The following RAP1GDS1 variants were observed in gnomAD, a reference collection of about 807,000 sequenced individuals.
RAP1GDS1 encodes Rap1 GTPase-GDP dissociation stimulator 1, also known as RAP1, GTP-GDP dissociation stimulator 1.
In RAP1GDS1, 35 loss-of-function variants were observed where a neutral mutation model predicts 71.1. That is an observed-to-expected ratio of 0.49 (90% CI 0.38 to 0.65). The LOEUF (loss-of-function observed/expected upper bound fraction) is 0.65, where lower values mean the gene tolerates loss of function less well. Among genes scored for constraint, RAP1GDS1 ranks in the 30% least tolerant of loss-of-function variants. The pLI is 0.00. For missense variants in RAP1GDS1, 663 were observed against 706.1 expected (o/e 0.94, Z 0.69); for synonymous variants, 229 against 243.1 (o/e 0.94, Z 0.54).
chr4:98,399,518 T>A (rs149998522), intron 6 of RAP1GDS1, among the ~76,000 whole-genome samples: 1 of 152,146 alleles, frequency 6.6e-6, no homozygotes, highest in African/African-American at 2.4e-5. Context: ...GGTCTTGAAC[T>A]CCTGGGCTCA....
chr4:98,309,539 G>A (rs1455782805), intron 2 of RAP1GDS1, among the ~76,000 whole-genome samples: 5 of 151,920 alleles, frequency 3.3e-5, no homozygotes, highest in Admixed American at 3.3e-4. Context: ...AAAATAGAGA[G>A]TAAAAGATTA....
At chr4:98,398,987 T>A (rs1744959794) in intron 6 of RAP1GDS1, among the ~76,000 whole-genome samples, 1 of 152,132 alleles carries the variant, frequency 6.6e-6, no homozygotes, top group Non-Finnish European at 1.5e-5. Context: ...GTTAAAACGG[T>A]CATACTATTC....
chr4:98,288,883 A>G (rs1414592224), intron 1 of RAP1GDS1, among the ~76,000 whole-genome samples: 1 of 152,224 alleles, frequency 6.6e-6, no homozygotes, highest in Non-Finnish European at 1.5e-5. Flanking sequence ...TAGCCGCAGC[A>G]GCAGTGAAGA....
intron 3 of RAP1GDS1, 115 bp from the exon 4 acceptor site, chr4:98,352,361 C>T (rs1257501456): frequency 1.8e-6 from 2 of 1,089,488 alleles, no homozygotes; most frequent in Non-Finnish European, 2.6e-6. Context: ...GCCACCTTTT[C>T]AAGGTGGCTT....
At chr4:98,389,369 C>T (rs921850588) in intron 5 of RAP1GDS1, among the ~76,000 whole-genome samples, 4 of 151,682 alleles carry the variant, frequency 2.6e-5, no homozygotes, top group East Asian at 1.9e-4. Flanking sequence ...GCCTGCCAGT[C>T]GGTGTGAACA....
intron 10 of RAP1GDS1, 46 bp from the exon 11 acceptor site, chr4:98,419,973 C>T (rs778006487): frequency 1.3e-6 from 2 of 1,495,208 alleles, no homozygotes; most frequent in Admixed American, 4.0e-5. Context: ...TGTTTATCAA[C>T]AGGAATGCTA....
chr4:98,297,434 A>G (rs1275266190), intron 2 of RAP1GDS1, among the ~76,000 whole-genome samples: 2 of 152,198 alleles, frequency 1.3e-5, no homozygotes, highest in Non-Finnish European at 2.9e-5. Context: ...CAAGTCTTTC[A>G]GTGCCATTTT....
chr4:98,335,142 A>G, intron 2 of RAP1GDS1, among the ~76,000 whole-genome samples: 1 of 152,154 alleles, frequency 6.6e-6, no homozygotes, highest in East Asian at 1.9e-4. Flanking sequence ...TGAGAATTCC[A>G]TTCCTTTTCT....
At chr4:98,410,814 G>A (rs1445107927) in intron 7 of RAP1GDS1, among the ~76,000 whole-genome samples, 2 of 152,080 alleles carry the variant, frequency 1.3e-5, no homozygotes, top group Admixed American at 6.5e-5. Flanking sequence ...GTAGTTTTTA[G>A]GAATGATTAT....
At chr4:98,346,562 T>TG (rs1235384072) in intron 3 of RAP1GDS1, among the ~76,000 whole-genome samples, 1 of 151,912 alleles carries the variant, frequency 6.6e-6, no homozygotes, top group Non-Finnish European at 1.5e-5. Flanking sequence ...TTATTTATTT[T>TG]TTTTTTTTTT....
At chr4:98,416,470 C>G (rs1004262343) in intron 7 of RAP1GDS1, among the ~76,000 whole-genome samples, 2 of 150,400 alleles carry the variant, frequency 1.3e-5, no homozygotes, top group Non-Finnish European at 1.5e-5. Flanking sequence ...CCTCAGCCTC[C>G]TGAGTAGCTG....
chr4:98,365,871 G>T (rs1287953186), intron 4 of RAP1GDS1, among the ~76,000 whole-genome samples: 2 of 152,064 alleles, frequency 1.3e-5, no homozygotes, highest in East Asian at 3.9e-4. Context: ...GAAATAAAAC[G>T]GGGATGAAAG....
At chr4:98,285,878 T>TATTAC (rs1214761801) in intron 1 of RAP1GDS1, among the ~76,000 whole-genome samples, 1 of 142,032 alleles carries the variant, frequency 7.0e-6, no homozygotes, top group Non-Finnish European at 1.5e-5. Flanking sequence ...AAATTATAAA[T>TATTAC]AATAAATAAT....
At chr4:98,371,458 C>T (rs1245296205) in intron 4 of RAP1GDS1, among the ~76,000 whole-genome samples, 1 of 151,776 alleles carries the variant, frequency 6.6e-6, no homozygotes, top group African/African-American at 2.4e-5. Flanking sequence ...CCCCTTTATC[C>T]CTGATAATAC....
intron 1 of RAP1GDS1, among the ~76,000 whole-genome samples, chr4:98,270,893 G>A (rs769645090): frequency 1.3e-5 from 2 of 151,986 alleles, no homozygotes; most frequent in Non-Finnish European, 2.9e-5. Flanking sequence ...CACTTCCCAT[G>A]TAATGAACAG....
At chr4:98,423,769 G>C (rs28666485) in intron 12 of RAP1GDS1, among the ~76,000 whole-genome samples, 22,096 of 151,924 alleles carry the variant, frequency 0.15, 2,368 homozygotes, top group African/African-American at 0.3. Flanking sequence ...GTCTCAAACT[G>C]CCGACCTCAG....
At chr4:98,280,745 C>T (rs1269917421) in intron 1 of RAP1GDS1, among the ~76,000 whole-genome samples, 1 of 152,086 alleles carries the variant, frequency 6.6e-6, no homozygotes, top group Non-Finnish European at 1.5e-5. Context: ...GGTTTTAGGT[C>T]TAACATTTAA....
At chr4:98,297,036 T>A in intron 2 of RAP1GDS1, 1 of 178,494 alleles carries the variant, frequency 5.6e-6, no homozygotes. Context: ...TTTTTTTGTA[T>A]TTAACTTAGT....
intron 6 of RAP1GDS1, among the ~76,000 whole-genome samples, chr4:98,392,585 T>C (rs1227346944): frequency 6.6e-6 from 1 of 151,982 alleles, no homozygotes. Context: ...CCAGTAGTCC[T>C]AGCTACTCAG....
Sources: gnomAD v4.1 joint callset for allele counts (sites outside exome capture counted in the v4.1 genomes callset) on GRCh38, gnomAD v4.1.1 for gene constraint, MANE v1.5 for transcripts, NCBI Gene and HGNC (gene_info 2026-07-23, HGNC 2026-07-21) for gene names.